The following PACRG variants were observed in gnomAD, a reference collection of about 807,000 sequenced individuals.
PACRG encodes parkin coregulated.
In PACRG, 29 loss-of-function variants were observed where a neutral mutation model predicts 29.7. The ratio of observed to expected loss-of-function variants is 0.98; its 90% CI spans 0.73 to 1.33. The LOEUF (loss-of-function observed/expected upper bound fraction) is 1.33. Ranked by LOEUF, PACRG falls within the 40% of genes most tolerant of loss-of-function variation. PACRG has a pLI of 0.00. For synonymous variants in PACRG, 116 were observed against 118.7 expected, an observed-to-expected ratio of 0.98 and a Z score of 0.15; for missense variants, 279 against 316.2, an observed-to-expected ratio of 0.88 and a Z score of 0.89.
intron 2 of PACRG, among the ~76,000 whole-genome samples, chr6:162,874,765 T>G (rs1277422731): frequency 6.6e-6 from 1 of 151,940 alleles, no homozygotes; most frequent in Non-Finnish European, 1.5e-5. Flanking sequence ...TACATATACA[T>G]TCACACACTC....
chr6:163,016,663 C>T (rs1806141333), intron 2 of PACRG, among the ~76,000 whole-genome samples: 1 of 151,842 alleles, frequency 6.6e-6, no homozygotes, highest in African/African-American at 2.4e-5. Context: ...GATATGCAAG[C>T]ACAGGAAAGT....
intron 4 of PACRG, among the ~76,000 whole-genome samples, chr6:163,301,094 G>C (rs1177483551): frequency 6.7e-6 from 1 of 150,000 alleles, no homozygotes; most frequent in Non-Finnish European, 1.5e-5. Flanking sequence ...GTAGGGCCAC[G>C]TCTGCTGCTT....
In PACRG at chr6:162,814,143, TAA is replaced by T; in HGVS notation, c.157-3_157-2del. The T allele has an allele frequency of 1.2e-6, 2 of 1,601,972 alleles. No individual in the cohort carries two copies. The highest frequency in any genetic ancestry group is 3.4e-5 in the Admixed American group (2 of 58,108). ...TGATCCCTATTTTTTTTTTTCCAAT[TAA>T]GGTGAGAGGCCCTCCAGCTGCAGGG... On this transcript the variant is annotated splice_acceptor_variant and splice_polypyrimidine_tract_variant and intron_variant, in intron 1 of 4. Coordinates refer to ENST00000366888, the MANE Select transcript of PACRG (RefSeq NM_001080379.2). LOFTEE classifies it high-confidence loss of function.
intron 2 of PACRG, among the ~76,000 whole-genome samples, chr6:163,048,043 T>C (rs1332618440): frequency 6.6e-6 from 1 of 152,220 alleles, no homozygotes; most frequent in Non-Finnish European, 1.5e-5. Flanking sequence ...GCATTGATTT[T>C]TTTATGCAAC....
At chr6:163,006,838 A>G (rs1442232202) in intron 2 of PACRG, among the ~76,000 whole-genome samples, 2 of 151,738 alleles carry the variant, frequency 1.3e-5, no homozygotes, top group Non-Finnish European at 2.9e-5. Context: ...CTTTATATTT[A>G]AAGTATGTTT....
chr6:163,173,741 C>T (rs1779209219), intron 4 of PACRG, among the ~76,000 whole-genome samples: 1 of 152,198 alleles, frequency 6.6e-6, no homozygotes, highest in South Asian at 2.1e-4. Flanking sequence ...CTAGAGGGCA[C>T]CTCAATGGGT....
intron 2 of PACRG, among the ~76,000 whole-genome samples, chr6:162,873,636 C>G (rs2127998218): frequency 6.6e-6 from 1 of 152,210 alleles, no homozygotes; most frequent in East Asian, 1.9e-4. Context: ...CAGGATGACC[C>G]TCTTAGAGCC....
intron 1 of PACRG, 101 bp downstream of exon 1, chr6:162,728,492 G>A (rs1394728822): frequency 1.4e-6 from 2 of 1,433,634 alleles, no homozygotes; most frequent in Admixed American, 4.3e-5. Context: ...CCATGTCCTG[G>A]GTGGTCTTTG....
rs533158521 is a variant in PACRG, at chr6:163,165,234, G to C, written c.613+75826G>C. Among the ~76,000 whole-genome samples, 308 of 152,358 alleles carry C rather than the reference G, an allele frequency of 2.0e-3. 1 individual carries two copies. The highest frequency in any genetic ancestry group is 3.4e-3 in the Non-Finnish European group (229 of 68,036). On this transcript the variant is annotated intron_variant, in intron 4 of 4. Coordinates refer to ENST00000366888, the MANE Select transcript of PACRG (RefSeq NM_001080379.2). The stretch of plus-strand genomic sequence containing the variant: ...TTTCTGGAGATGCACGTTAAGTGCT[G>C]TCTAGGGCCAGGAACAGCATAGCAG...
At chr6:163,219,099 C>G (rs115943502) in intron 4 of PACRG, among the ~76,000 whole-genome samples, 1,636 of 152,274 alleles carry the variant, frequency 0.011, 28 homozygotes, top group African/African-American at 0.038. Flanking sequence ...CAGCTCTAAC[C>G]ACCCCTCTAA....
At chr6:163,185,527 A>T (rs544101360) in intron 4 of PACRG, among the ~76,000 whole-genome samples, 9 of 152,306 alleles carry the variant, frequency 5.9e-5, no homozygotes, top group African/African-American at 2.2e-4. Flanking sequence ...TTTTAAAGGA[A>T]AGTATTAGAT....
At chr6:163,248,063 A>G (rs1346129542) in intron 4 of PACRG, among the ~76,000 whole-genome samples, 1 of 152,204 alleles carries the variant, frequency 6.6e-6, no homozygotes, top group Non-Finnish European at 1.5e-5. Context: ...GCCATCTCCA[A>G]GAAAATGCTA....
chr6:162,957,290 C>T lies in PACRG; in HGVS notation c.292-104860C>T, dbSNP rs145964791. ...ACTTTCACAATGATTTTCTGCTCCTCGATAAAGAAAGCACGCTTGATCCTG... is the reference window on the plus strand; with the variant it reads ...ACTTTCACAATGATTTTCTGCTCCTTGATAAAGAAAGCACGCTTGATCCTG... On this transcript the variant is annotated intron_variant, in intron 2 of 4. Transcript: ENST00000366888. The T allele has an allele frequency of 6.9e-4, 388 of 558,378 alleles. 3 individuals are homozygous for T. The highest frequency in any genetic ancestry group is 6.3e-3 in the African/African-American group (335 of 53,488). 34.6% of individuals were successfully genotyped at this position (558,378 alleles called of 1,614,324 possible).
At chr6:162,727,677 G>A (rs549204834), upstream of PACRG, 18 of 1,577,904 alleles carry the variant, frequency 1.1e-5, no homozygotes, top group African/African-American at 2.3e-4. Context: ...ATGGTCACTG[G>A]GTAGGTGGCG....
intron 2 of PACRG, among the ~76,000 whole-genome samples, chr6:162,830,941 G>A (rs1263443837): frequency 2.0e-5 from 3 of 152,072 alleles, no homozygotes; most frequent in African/African-American, 7.2e-5. Context: ...CAAGAAACAT[G>A]CGTTGAGCAT....
chr6:163,015,718 A>C (rs909935759), intron 2 of PACRG, among the ~76,000 whole-genome samples: 1 of 152,116 alleles, frequency 6.6e-6, no homozygotes, highest in African/African-American at 2.4e-5. Context: ...CTCTGCTGAA[A>C]TAGTTTATCA....
chr6:163,158,038 C>T (rs1161128793), intron 4 of PACRG, among the ~76,000 whole-genome samples: 3 of 152,066 alleles, frequency 2.0e-5, no homozygotes, highest in Admixed American at 6.6e-5. Flanking sequence ...CATGTGTAGA[C>T]CCTTATGGAT....
At chr6:162,776,619 C>G (rs1176135570) in intron 1 of PACRG, among the ~76,000 whole-genome samples, 1 of 152,176 alleles carries the variant, frequency 6.6e-6, no homozygotes, top group Non-Finnish European at 1.5e-5. Context: ...GACCCAGGCT[C>G]CAACCTGCTA....
intron 2 of PACRG, among the ~76,000 whole-genome samples, chr6:163,027,522 A>G (rs536366346): frequency 2.6e-5 from 4 of 152,168 alleles, no homozygotes; most frequent in Non-Finnish European, 5.9e-5. Context: ...GGTGATTCTC[A>G]ATGTACACTT....
Sources: allele counts gnomAD v4.1 joint callset (sites outside exome capture counted in the v4.1 genomes callset), GRCh38; gene constraint gnomAD v4.1.1; transcripts MANE v1.5; gene names NCBI Gene and HGNC (gene_info 2026-07-23, HGNC 2026-07-21).